ARHGAP24: variants seen among roughly 807,000 people sequenced by gnomAD.
ARHGAP24 encodes Rho GTPase activating protein 24.
ARHGAP24 carries 50 observed loss-of-function variants against 76.4 expected under a neutral mutation model. That is an observed-to-expected ratio of 0.65 (90% CI 0.52 to 0.83). ARHGAP24 has a LOEUF of 0.83. ARHGAP24 is among the 40% of genes least tolerant of loss of function. The probability of loss-of-function intolerance (pLI) is 0.00; values close to 1 mark genes in which losing one functional copy is unlikely to be tolerated. For missense variants in ARHGAP24, 930 were observed against 914.2 expected (o/e 1.02, Z -0.22); for synonymous variants, 345 against 323.3 (o/e 1.07, Z -0.72).
chr4:85,564,394 G>C (rs557753711), intron 1 of ARHGAP24, among the ~76,000 whole-genome samples: 2 of 146,876 alleles, frequency 1.4e-5, no homozygotes, highest in East Asian at 3.9e-4. Context: ...GGCCTGTTGT[G>C]GGGTGGGGGG....
intron 3 of ARHGAP24, among the ~76,000 whole-genome samples, chr4:85,793,802 C>T (rs939019405): frequency 2.0e-5 from 3 of 152,146 alleles, no homozygotes; most frequent in African/African-American, 7.2e-5. Flanking sequence ...GCCAAAAACA[C>T]ACACACAAGA....
chr4:85,666,865 C>G (rs1378977766), intron 2 of ARHGAP24, among the ~76,000 whole-genome samples: 1 of 152,142 alleles, frequency 6.6e-6, no homozygotes, highest in South Asian at 2.1e-4. Context: ...AGTTTTGTCT[C>G]AGAGGAGTAC....
At chr4:85,902,393 T>C (rs983712201) in intron 3 of ARHGAP24, among the ~76,000 whole-genome samples, 13 of 152,192 alleles carry the variant, frequency 8.5e-5, no homozygotes, top group African/African-American at 3.1e-4. Flanking sequence ...TCCAAATGGT[T>C]GCATTGAGTG....
At chr4:85,756,995 T>G (rs912652762) in intron 3 of ARHGAP24, among the ~76,000 whole-genome samples, 4 of 152,184 alleles carry the variant, frequency 2.6e-5, no homozygotes, top group African/African-American at 9.6e-5. Flanking sequence ...TTCATCTTTA[T>G]TTTTGTTTTC....
intron 3 of ARHGAP24, among the ~76,000 whole-genome samples, chr4:85,821,746 A>T (rs1378994362): frequency 6.6e-6 from 1 of 152,186 alleles, no homozygotes; most frequent in Non-Finnish European, 1.5e-5. Flanking sequence ...ATCAACCAAG[A>T]TGAGATTTAG....
intron 2 of ARHGAP24, among the ~76,000 whole-genome samples, chr4:85,636,555 TAC>T (rs34719562): frequency 2.7e-5 from 4 of 150,916 alleles, no homozygotes; most frequent in Non-Finnish European, 4.4e-5. Context: ...TTGGGAATAT[TAC>T]ACACACACAC....
chr4:85,979,834 T>A (rs1739549133), intron 8 of ARHGAP24, among the ~76,000 whole-genome samples: 1 of 152,170 alleles, frequency 6.6e-6, no homozygotes, highest in Non-Finnish European at 1.5e-5. Flanking sequence ...CTTCCCAGTA[T>A]ACGTATTATT....
rs117227725 is a variant in ARHGAP24, at chr4:85,544,017, T to C, written c.-20-26505T>C. ...TCCCACAACCAAAACATTCCTTTAC[T>C]CCACCATTCTCATTCTCTCCATGCT... On this transcript the variant is annotated intron_variant, in intron 1 of 9. Coordinates refer to ENST00000395184, the MANE Select transcript of ARHGAP24 (RefSeq NM_001025616.3). Among the ~76,000 whole-genome samples, 1,450 of 152,254 alleles carry C rather than the reference T, an allele frequency of 9.5e-3. 12 individuals are homozygous for C. Among genetic ancestry groups the C allele is most frequent in the East Asian group, 0.019 (97 of 5,176 alleles).
At chr4:85,623,711 T>C (rs1190243530) in intron 2 of ARHGAP24, among the ~76,000 whole-genome samples, 1 of 151,974 alleles carries the variant, frequency 6.6e-6, no homozygotes, top group African/African-American at 2.4e-5. Flanking sequence ...TATTGATTCT[T>C]CCTACCCATG....
At chr4:85,874,007 T>G (rs981083589) in intron 3 of ARHGAP24, among the ~76,000 whole-genome samples, 11 of 152,220 alleles carry the variant, frequency 7.2e-5, no homozygotes, top group Admixed American at 5.9e-4. Flanking sequence ...GCTGTTACTC[T>G]GTGTATGGAT....
chr4:85,830,389 G>T (rs190003464), intron 3 of ARHGAP24, among the ~76,000 whole-genome samples: 1 of 152,164 alleles, frequency 6.6e-6, no homozygotes, highest in Non-Finnish European at 1.5e-5. Flanking sequence ...TGTGTCCATC[G>T]TGCCTAGCAT....
At chr4:85,998,742 C>T (rs1279872635) in intron 9 of ARHGAP24, among the ~76,000 whole-genome samples, 1 of 152,134 alleles carries the variant, frequency 6.6e-6, no homozygotes, top group Non-Finnish European at 1.5e-5. Flanking sequence ...CTTCCCCAGG[C>T]CCATGATTGG....
intron 1 of ARHGAP24, among the ~76,000 whole-genome samples, chr4:85,479,654 A>G (rs1379940019): frequency 6.6e-6 from 1 of 152,152 alleles, no homozygotes; most frequent in Non-Finnish European, 1.5e-5. Flanking sequence ...TTCATGTTAT[A>G]GTTTCTTTAT....
At chr4:85,590,247 ACCTCCCT>A (rs1728036998) in intron 2 of ARHGAP24, among the ~76,000 whole-genome samples, 1 of 54,852 alleles carries the variant, frequency 1.8e-5, no homozygotes, top group Non-Finnish European at 3.9e-5. Flanking sequence ...CCTTCCTCCC[ACCTCCCT>A]CCATCCCTCC....
chr4:85,668,458 C>A (rs1240572112), intron 2 of ARHGAP24, among the ~76,000 whole-genome samples: 1 of 152,136 alleles, frequency 6.6e-6, no homozygotes, highest in Non-Finnish European at 1.5e-5. Flanking sequence ...GCAAAGGGTG[C>A]TGATACAAAA....
At chr4:85,566,153 CTGTT>C (rs1726836888) in intron 1 of ARHGAP24, among the ~76,000 whole-genome samples, 1 of 152,196 alleles carries the variant, frequency 6.6e-6, no homozygotes, top group African/African-American at 2.4e-5. Flanking sequence ...TTTGGAATAA[CTGTT>C]TATTTAGATT....
chr4:85,481,277 G>T (rs1722806899), intron 1 of ARHGAP24, among the ~76,000 whole-genome samples: 1 of 152,188 alleles, frequency 6.6e-6, no homozygotes, highest in East Asian at 1.9e-4. Flanking sequence ...AGGTAATGTA[G>T]ACTTGAACAT....
At chr4:85,541,805 T>C (rs1198371576) in intron 1 of ARHGAP24, among the ~76,000 whole-genome samples, 1 of 152,036 alleles carries the variant, frequency 6.6e-6, no homozygotes, top group Non-Finnish European at 1.5e-5. Flanking sequence ...TGATTAATTA[T>C]GCAGAAGAAA....
At chr4:85,495,451 T>G (rs1044926812) in intron 1 of ARHGAP24, among the ~76,000 whole-genome samples, 1 of 145,770 alleles carries the variant, frequency 6.9e-6, no homozygotes, top group African/African-American at 2.5e-5. Context: ...CCCGGGTTCA[T>G]GCCATTGTCC....
Sources: allele counts gnomAD v4.1 joint callset (sites outside exome capture counted in the v4.1 genomes callset), GRCh38; gene constraint gnomAD v4.1.1; transcripts MANE v1.5; gene names NCBI Gene and HGNC (gene_info 2026-07-23, HGNC 2026-07-21).